Variants in COG5 observed in about 807,000 individuals in gnomAD.
The protein encoded by COG5 is component of oligomeric golgi complex 5, also known as conserved oligomeric Golgi complex subunit 5.
Under a neutral mutation model 110.4 loss-of-function variants are expected in COG5, and 86 were observed. That is an observed-to-expected ratio of 0.78 (90% CI 0.65 to 0.93). The LOEUF (loss-of-function observed/expected upper bound fraction) is 0.93. Among genes scored for constraint, COG5 ranks in the 40% least tolerant of loss-of-function variants. The probability of loss-of-function intolerance (pLI) is 0.00; values close to 1 mark genes in which losing one functional copy is unlikely to be tolerated. For synonymous variants in COG5, 360 were observed against 334.6 expected, an observed-to-expected ratio of 1.08 and a Z score of -0.83; for missense variants, 1,077 against 987.0, an observed-to-expected ratio of 1.09 and a Z score of -1.22.
intron 5 of COG5, among the ~76,000 whole-genome samples, chr7:107,539,212 C>G (rs548110378): frequency 3.3e-5 from 5 of 152,246 alleles, no homozygotes; most frequent in African/African-American, 9.6e-5. Flanking sequence ...GATGACAGAG[C>G]AAGACCCTGT....
chr7:107,300,397 G>T (rs1343660037), intron 11 of COG5, among the ~76,000 whole-genome samples: 1 of 151,996 alleles, frequency 6.6e-6, no homozygotes, highest in Admixed American at 6.6e-5. Context: ...TTTTTAGAAA[G>T]ATAATATACA....
At chr7:107,325,656 G>GCAAA (rs35160073) in intron 10 of COG5, among the ~76,000 whole-genome samples, 27,286 of 151,532 alleles carry the variant, frequency 0.18, 2,639 homozygotes, top group Non-Finnish European at 0.22. Flanking sequence ...GTCTCAAGAA[G>GCAAA]CAAACAAACA....
intron 5 of COG5, among the ~76,000 whole-genome samples, chr7:107,543,201 C>A (rs1466817942): frequency 6.6e-6 from 1 of 152,028 alleles, no homozygotes; most frequent in Non-Finnish European, 1.5e-5. Context: ...GTTAAAGAAA[C>A]CAGGTAAGAC....
intron 7 of COG5, among the ~76,000 whole-genome samples, chr7:107,373,327 G>A (rs1204500720): frequency 6.6e-6 from 1 of 152,060 alleles, no homozygotes; most frequent in Non-Finnish European, 1.5e-5. Flanking sequence ...TACATTTATT[G>A]AGAAATGTAC....
intron 7 of COG5, among the ~76,000 whole-genome samples, chr7:107,407,379 T>TCTCAAAAAA (rs1791930367): frequency 6.6e-6 from 1 of 151,910 alleles, no homozygotes; most frequent in African/African-American, 2.4e-5. Context: ...CAAAACTCCA[T>TCTCAAAAAA]CTCAAAAAAG....
chr7:107,309,674 A>T (rs1283603744), intron 11 of COG5, among the ~76,000 whole-genome samples: 1 of 152,232 alleles, frequency 6.6e-6, no homozygotes, highest in Non-Finnish European at 1.5e-5. Flanking sequence ...ATAAGCAGAA[A>T]GTCAAATGAA....
intron 14 of COG5, among the ~76,000 whole-genome samples, chr7:107,270,499 G>A (rs964808116): frequency 5.9e-5 from 9 of 152,074 alleles, no homozygotes; most frequent in African/African-American, 1.2e-4. Context: ...TGGCTCAAGC[G>A]ATCCACCTGC....
intron 5 of COG5, among the ~76,000 whole-genome samples, chr7:107,535,267 A>T (rs1332921699): frequency 6.6e-6 from 1 of 151,674 alleles, no homozygotes; most frequent in East Asian, 1.9e-4. Flanking sequence ...GAACTAGAGA[A>T]GCAAGAGCAA....
intron 6 of COG5, among the ~76,000 whole-genome samples, chr7:107,515,341 C>A (rs888865063): frequency 6.6e-6 from 1 of 151,554 alleles, no homozygotes; most frequent in South Asian, 2.1e-4. Context: ...CTTCATAAAA[C>A]GAAGAGATTG....
At chr7:107,550,512 T>G (rs193001749) in intron 3 of COG5, among the ~76,000 whole-genome samples, 1 of 152,296 alleles carries the variant, frequency 6.6e-6, no homozygotes, top group Admixed American at 6.5e-5. Flanking sequence ...CTGGGCTACT[T>G]TCTGCCCCTC....
At chr7:107,248,710 A>G (rs1337274548) in intron 16 of COG5, among the ~76,000 whole-genome samples, 1 of 152,154 alleles carries the variant, frequency 6.6e-6, no homozygotes, top group Admixed American at 6.5e-5. Flanking sequence ...AACAAATTTC[A>G]ACACCCCCAC....
intron 5 of COG5, among the ~76,000 whole-genome samples, chr7:107,537,197 G>A (rs1351677858): frequency 1.3e-5 from 2 of 152,044 alleles, no homozygotes; most frequent in African/African-American, 2.4e-5. Flanking sequence ...CATTTGACCA[G>A]CAATCCCATT....
Position 107,248,352 on chromosome 7 carries a change from T to A in COG5, c.1853+44A>T, listed in dbSNP as rs200839834. On this transcript the variant is annotated intron_variant, in intron 17 of 21. Transcript: ENST00000297135. ...TAAGCATAGAGGTGGGAATACAAAA[T>A]AAAGGCAGTAAAAGTTAGTAAAAAT... The A allele has an allele frequency of 2.2e-4, 263 of 1,202,828 alleles. 1 individual carries two copies. In the African/African-American group the frequency reaches 3.4e-3, roughly 16 times the overall value. 74.5% of individuals were successfully genotyped at this position (1,202,828 alleles called of 1,614,324 possible).
chr7:107,317,181 A>T (rs1808835120), intron 11 of COG5, among the ~76,000 whole-genome samples: 1 of 152,126 alleles, frequency 6.6e-6, no homozygotes, highest in East Asian at 1.9e-4. Context: ...GAAACAAATG[A>T]GATGAACCCT....
intron 6 of COG5, among the ~76,000 whole-genome samples, chr7:107,447,110 C>G (rs113658877): frequency 8.3e-4 from 127 of 152,288 alleles, no homozygotes; most frequent in Middle Eastern, 3.4e-3. Flanking sequence ...CACTGACTTT[C>G]TGGTTTCCTT....
chr7:107,461,785 A>C (rs1796004333), intron 6 of COG5, among the ~76,000 whole-genome samples: 1 of 152,236 alleles, frequency 6.6e-6, no homozygotes, highest in African/African-American at 2.4e-5. Flanking sequence ...TATTGTTTGT[A>C]ATAGTATCAA....
intron 6 of COG5, among the ~76,000 whole-genome samples, chr7:107,478,444 C>T (rs976924865): frequency 6.6e-6 from 1 of 151,876 alleles, no homozygotes; most frequent in African/African-American, 2.4e-5. Context: ...TTCAGTTACC[C>T]ATGGTCAGTT....
intron 15 of COG5, among the ~76,000 whole-genome samples, chr7:107,257,450 A>G (rs1802971386): frequency 1.3e-5 from 2 of 152,148 alleles, no homozygotes; most frequent in African/African-American, 4.8e-5. Context: ...ACTTGTTAAA[A>G]TCTTTAAATA....
chr7:107,462,003 C>A (rs889316954), intron 6 of COG5, among the ~76,000 whole-genome samples: 1 of 152,160 alleles, frequency 6.6e-6, no homozygotes, highest in Non-Finnish European at 1.5e-5. Flanking sequence ...AAAATCCCAG[C>A]TTCCATATGA....
Sources: allele counts gnomAD v4.1 joint callset (sites outside exome capture counted in the v4.1 genomes callset), GRCh38; gene constraint gnomAD v4.1.1; transcripts MANE v1.5; gene names NCBI Gene and HGNC (gene_info 2026-07-23, HGNC 2026-07-21).